Variants in PGM5 observed in about 807,000 individuals in gnomAD.
PGM5 encodes the protein phosphoglucomutase-like protein 5.
Under a neutral mutation model 59.2 loss-of-function variants are expected in PGM5, and 23 were observed. The ratio of observed to expected loss-of-function variants is 0.39; its 90% CI spans 0.28 to 0.55. The LOEUF (loss-of-function observed/expected upper bound fraction) is 0.55. Among genes scored for constraint, PGM5 ranks in the 20% least tolerant of loss-of-function variants. The pLI, the probability that PGM5 is intolerant of heterozygous loss-of-function variation, is 0.66. For missense variants in PGM5, 574 were observed against 748.3 expected, an observed-to-expected ratio of 0.77 and a Z score of 2.72; for synonymous variants, 214 against 286.0, an observed-to-expected ratio of 0.75 and a Z score of 2.54.
intron 9 of PGM5, among the ~76,000 whole-genome samples, chr9:68,493,565 A>G (rs1356165666): frequency 6.6e-6 from 1 of 152,202 alleles, no homozygotes; most frequent in East Asian, 1.9e-4. Flanking sequence ...AAAAAGAGAG[A>G]TTGGCAAGAA....
intron 1 of PGM5, among the ~76,000 whole-genome samples, chr9:68,372,264 A>G (rs1821755133): frequency 7.9e-6 from 1 of 126,834 alleles, no homozygotes; most frequent in Non-Finnish European, 1.7e-5. Context: ...TAGATGCTCT[A>G]GGGAGAATCT....
intron 6 of PGM5, among the ~76,000 whole-genome samples, chr9:68,426,072 G>A (rs1823232124): frequency 6.6e-6 from 1 of 152,086 alleles, no homozygotes; most frequent in Non-Finnish European, 1.5e-5. Context: ...AAAAGCACTT[G>A]AAATTTAAAA....
In PGM5 at chr9:68,519,663, A is replaced by T. The variant is rs4745070; in HGVS notation, c.1615-9904A>T. ...ACTTAAAGTATAATAAAAAAAAATT[A>T]AAAAAAAAAAGAAAAACAGCTAGGT... On this transcript the variant is annotated intron_variant, in intron 10 of 10. Transcript: ENST00000396396. Among the ~76,000 whole-genome samples the T allele has an allele frequency of 8.2e-3, 1,194 of 146,180 alleles. 20 individuals carry two copies. Among genetic ancestry groups the T allele is most frequent in the Admixed American group, 0.03 (446 of 14,648 alleles).
chr9:68,410,718 A>G (rs1198981715), intron 6 of PGM5, among the ~76,000 whole-genome samples: 1 of 152,228 alleles, frequency 6.6e-6, no homozygotes, highest in Non-Finnish European at 1.5e-5. Flanking sequence ...AGGCCAAACC[A>G]GGTCTTACCT....
intron 7 of PGM5, among the ~76,000 whole-genome samples, chr9:68,477,243 T>G (rs980752591): frequency 1.3e-5 from 2 of 152,196 alleles, no homozygotes; most frequent in African/African-American, 2.4e-5. Context: ...CGTTGATCAG[T>G]GTGTAGGAAG....
At chr9:68,454,294 G>T (rs568411450) in intron 6 of PGM5, among the ~76,000 whole-genome samples, 1 of 152,198 alleles carries the variant, frequency 6.6e-6, no homozygotes, top group Admixed American at 6.5e-5. Context: ...TGGTAGCCCT[G>T]ATGTTACTTG....
intron 6 of PGM5, among the ~76,000 whole-genome samples, chr9:68,411,046 C>T (rs1822921054): frequency 6.6e-6 from 1 of 152,108 alleles, no homozygotes; most frequent in African/African-American, 2.4e-5. Context: ...AAAAGACTGC[C>T]TACTGTTTAT....
At chr9:68,423,671 C>G (rs62553010) in intron 6 of PGM5, among the ~76,000 whole-genome samples, 70,675 of 151,106 alleles carry the variant, frequency 0.47, 17,437 homozygotes, top group South Asian at 0.56. Flanking sequence ...CTCTCTCTCT[C>G]TCTCTCTCTC....
intron 6 of PGM5, among the ~76,000 whole-genome samples, chr9:68,410,502 G>T (rs1345698387): frequency 6.6e-6 from 1 of 152,040 alleles, no homozygotes; most frequent in Non-Finnish European, 1.5e-5. Context: ...AATAATTTAG[G>T]ATGCTGACAT....
chr9:68,404,522 G>A (rs1165850808), intron 6 of PGM5, among the ~76,000 whole-genome samples: 1 of 152,154 alleles, frequency 6.6e-6, no homozygotes, highest in Admixed American at 6.5e-5. Flanking sequence ...TAATATGTTA[G>A]CAATTGGATA....
chr9:68,369,182 C>T (rs1355909302), intron 1 of PGM5, among the ~76,000 whole-genome samples: 2 of 152,180 alleles, frequency 1.3e-5, no homozygotes, highest in African/African-American at 4.8e-5. Context: ...ACACTGTAAA[C>T]TGGGTCTTGG....
At chr9:68,389,414 C>T (rs1354862208) in intron 4 of PGM5, among the ~76,000 whole-genome samples, 3 of 152,048 alleles carry the variant, frequency 2.0e-5, no homozygotes, top group African/African-American at 7.2e-5. Flanking sequence ...TCCCCTTATC[C>T]CCAGCCCCTG....
intron 6 of PGM5, among the ~76,000 whole-genome samples, chr9:68,393,266 CTT>C (rs1341965909): frequency 3.3e-5 from 5 of 151,642 alleles, no homozygotes; most frequent in Non-Finnish European, 5.9e-5. Flanking sequence ...AATAGAAAAA[CTT>C]ATATTCCTTA....
At chr9:68,376,807 T>TTCTTTCTTTCTTTC (rs1821909387) in intron 1 of PGM5, among the ~76,000 whole-genome samples, 1 of 116,874 alleles carries the variant, frequency 8.6e-6, no homozygotes, top group Non-Finnish European at 1.8e-5. Context: ...CTTTCTTTCT[T>TTCTTTCTTTCTTTC]TCTTTCTTTC....
At chr9:68,420,683 T>C (rs1554682282) in intron 6 of PGM5, among the ~76,000 whole-genome samples, 1 of 152,170 alleles carries the variant, frequency 6.6e-6, no homozygotes, top group East Asian at 1.9e-4. Flanking sequence ...TTAGAGCCTA[T>C]AGATCTTACT....
chr9:68,419,253 C>G (rs1564000523), intron 6 of PGM5, among the ~76,000 whole-genome samples: 1 of 151,736 alleles, frequency 6.6e-6, no homozygotes, highest in African/African-American at 2.4e-5. Context: ...TATGTTTTAA[C>G]TTTTTTTTTC....
At chr9:68,498,923 G>T in intron 9 of PGM5, 1 of 325,040 alleles carries the variant, frequency 3.1e-6, no homozygotes, top group Non-Finnish European at 5.7e-6. Context: ...TCATCCCTGT[G>T]ACTTCCACTT....
intron 9 of PGM5, among the ~76,000 whole-genome samples, chr9:68,484,605 A>C (rs1011975174): frequency 4.0e-5 from 6 of 151,856 alleles, no homozygotes; most frequent in South Asian, 2.1e-4. Context: ...AAACAAAAAA[A>C]AAAACAAAAG....
intron 6 of PGM5, among the ~76,000 whole-genome samples, chr9:68,463,334 C>A (rs1554685560): frequency 6.6e-6 from 1 of 152,146 alleles, no homozygotes; most frequent in Non-Finnish European, 1.5e-5. Context: ...TCACAGCCTT[C>A]AAATAACTAA....
Sources: gnomAD v4.1 joint callset for allele counts (sites outside exome capture counted in the v4.1 genomes callset) on GRCh38, gnomAD v4.1.1 for gene constraint, MANE v1.5 for transcripts, NCBI Gene and HGNC (gene_info 2026-07-23, HGNC 2026-07-21) for gene names.